The following PSMD1 variants were observed in gnomAD, a reference collection of about 807,000 sequenced individuals.
The protein encoded by PSMD1 is 26S proteasome non-ATPase regulatory subunit 1.
Under a neutral mutation model 119.0 loss-of-function variants are expected in PSMD1, and 18 were observed. The ratio of observed to expected loss-of-function variants is 0.15; its 90% CI spans 0.10 to 0.22. The LOEUF is 0.22. PSMD1 is among the 10% of genes least tolerant of loss of function. PSMD1 has a pLI of 1.00. For synonymous variants in PSMD1, 374 were observed against 396.6 expected, an observed-to-expected ratio of 0.94 and a Z score of 0.68; for missense variants, 702 against 1,158.5, an observed-to-expected ratio of 0.61 and a Z score of 5.72.
At chr2:231,137,029 A>G (rs1695985072) in intron 16 of PSMD1, among the ~76,000 whole-genome samples, 1 of 145,208 alleles carries the variant, frequency 6.9e-6, no homozygotes, top group Non-Finnish European at 1.5e-5. Context: ...ATATTTATGT[A>G]CCATATATAA....
Position 231,056,980 on chromosome 2 carries a change from CA to C in PSMD1, c.-45del, listed in dbSNP as rs1209037144. On this transcript the variant is annotated 5_prime_UTR_variant, in exon 1 of 25. Coordinates refer to ENST00000308696, the MANE Select transcript of PSMD1 (RefSeq NM_002807.4). ...CCCCTGAGCTGACAGATACACTGCG[CA>C]GCTGGAACGGCGAGCGAGCCGACGG... 1 of 1,540,158 alleles carries C rather than the reference CA, an allele frequency of 6.5e-7. No homozygotes were observed. Among genetic ancestry groups the C allele is most frequent in the Non-Finnish European group, 8.7e-7 (1 of 1,144,558 alleles).
At chr2:231,062,405 GA>G in intron 3 of PSMD1, 84 bp downstream of exon 3, 1 of 1,525,720 alleles carries the variant, frequency 6.6e-7, no homozygotes, top group South Asian at 1.2e-5. Flanking sequence ...GATTCATTTA[GA>G]AATTTGCTGT....
At chr2:231,167,634 T>A (rs764301367) in intron 23 of PSMD1, among the ~76,000 whole-genome samples, 2 of 152,248 alleles carry the variant, frequency 1.3e-5, no homozygotes, top group Non-Finnish European at 2.9e-5. Context: ...AGGAAATTCC[T>A]GTCCAGTTGT....
At chr2:231,087,059 C>T in intron 15 of PSMD1, 58 bp from the exon 16 acceptor site, 1 of 1,422,262 alleles carries the variant, frequency 7.0e-7, no homozygotes, top group Non-Finnish European at 9.9e-7. Flanking sequence ...CCTCTCATGT[C>T]AGTTTGGTCT....
At chr2:231,060,101 CT>C (rs1459239745) in intron 1 of PSMD1, among the ~76,000 whole-genome samples, 1 of 152,168 alleles carries the variant, frequency 6.6e-6, no homozygotes, top group Non-Finnish European at 1.5e-5. Context: ...GCATTCTGGC[CT>C]GTCATCTTAC....
intron 18 of PSMD1, among the ~76,000 whole-genome samples, chr2:231,151,338 T>C (rs1392335772): frequency 1.3e-5 from 2 of 152,122 alleles, no homozygotes; most frequent in Non-Finnish European, 2.9e-5. Flanking sequence ...ATAGAGGGAG[T>C]AGACCAGATG....
At chr2:231,081,656 C>T (rs145570361) in intron 12 of PSMD1, among the ~76,000 whole-genome samples, 1 of 152,304 alleles carries the variant, frequency 6.6e-6, no homozygotes, top group Non-Finnish European at 1.5e-5. Context: ...ACAGTCCCAC[C>T]AGGACTCTAA....
intron 4 of PSMD1, 165 bp downstream of exon 4, chr2:231,062,840 C>A: frequency 3.8e-6 from 2 of 528,330 alleles, no homozygotes; most frequent in Non-Finnish European, 6.1e-6. Context: ...TAGATCTGCC[C>A]TTCAACTGAG....
chr2:231,120,619 TGGTTGAATAAA>T (rs2125227748), intron 16 of PSMD1, among the ~76,000 whole-genome samples: 1 of 152,324 alleles, frequency 6.6e-6, no homozygotes, highest in East Asian at 1.9e-4. Flanking sequence ...TACAGATCAG[TGGTTGAATAAA>T]ATATCTCTCA....
At chr2:231,111,696 C>T (rs1166618173) in intron 16 of PSMD1, among the ~76,000 whole-genome samples, 3 of 152,128 alleles carry the variant, frequency 2.0e-5, no homozygotes, top group East Asian at 3.8e-4. Flanking sequence ...AGTGAAAGAG[C>T]GTTGATTTTG....
At chr2:231,123,844 A>G (rs1221420080) in intron 16 of PSMD1, 5 of 1,130,032 alleles carry the variant, frequency 4.4e-6, no homozygotes, top group African/African-American at 3.1e-5. Context: ...CTGTTTTTTT[A>G]AGGCATTGTA....
chr2:231,167,111 T>G (rs1696803639), intron 23 of PSMD1, among the ~76,000 whole-genome samples: 1 of 152,164 alleles, frequency 6.6e-6, no homozygotes, highest in Non-Finnish European at 1.5e-5. Context: ...TAAATGCTAA[T>G]CTGTAGCACT....
chr2:231,078,598 G>C (rs565624211), intron 9 of PSMD1, 61 bp from the exon 10 acceptor site: 2 of 1,236,506 alleles, frequency 1.6e-6, no homozygotes, highest in East Asian at 2.5e-5. Context: ...CTGTGTGTGT[G>C]AGGGTGTGCA....
At chr2:231,162,682 C>G (rs1469142677) in intron 20 of PSMD1, among the ~76,000 whole-genome samples, 2 of 151,970 alleles carry the variant, frequency 1.3e-5, no homozygotes, top group Non-Finnish European at 2.9e-5. Flanking sequence ...AAAATTCAGG[C>G]CGGGTGTGGT....
In PSMD1 at chr2:231,104,057, G is replaced by A. The variant is rs182144312; in HGVS notation, c.1883+16876G>A. ...CTTAGTATCTCTTGGGTTGTGTAAA[G>A]CATCCTACTCATGTTTGACTCTTAA... On this transcript the variant is annotated intron_variant, in intron 16 of 24. Transcript: ENST00000308696. 1.1e-4 allele frequency among the ~76,000 whole-genome samples: 17 copies of A among 151,852 alleles called. No homozygotes were observed. In the East Asian group the frequency reaches 3.3e-3, roughly 29 times the overall value.
rs1291686633 is a variant in PSMD1, at chr2:231,075,542, A to G, written c.913A>G (p.Ser305Gly). ...GATGGAAACAGAAGAAAAGACAAGC[A>G]GTGCATTTGTAGGAAAGACACCAGA... ...DSMETEEKTS[S>G]AFVGKTPEAS... The change falls in exon 8 of 25, where the codon AGT becomes GGT. Residue 305 changes from serine to glycine, a missense_variant. Physicochemically the swap from Ser to Gly is moderately conservative, Grantham distance 56 (BLOSUM62 0). Coordinates refer to ENST00000308696, the MANE Select transcript of PSMD1 (RefSeq NM_002807.4). The G allele has an allele frequency of 1.9e-6, 3 of 1,610,148 alleles. No individual in the cohort carries two copies. Among genetic ancestry groups the G allele is most frequent in the Non-Finnish European group, 8.5e-7 (1 of 1,178,768 alleles).
chr2:231,116,679 C>T (rs1056138884), intron 16 of PSMD1, among the ~76,000 whole-genome samples: 3 of 151,992 alleles, frequency 2.0e-5, no homozygotes, highest in Non-Finnish European at 2.9e-5. Context: ...CCCTATGAAG[C>T]CCTGTTAGCC....
chr2:231,079,637 T>C lies in PSMD1; in HGVS notation c.1239+23T>C, dbSNP rs749886704. ...AAGGTAATATATATTGGTCAGTGTATACAGGCATCAGAAAAGAAGTAATTT... is the reference window on the plus strand; with the variant it reads ...AAGGTAATATATATTGGTCAGTGTACACAGGCATCAGAAAAGAAGTAATTT... On this transcript the variant is annotated intron_variant, in intron 11 of 24. Coordinates refer to ENST00000308696, the MANE Select transcript of PSMD1 (RefSeq NM_002807.4). The C allele has an allele frequency of 4.8e-6, 7 of 1,458,432 alleles. No individual in the cohort carries two copies. The East Asian group carries it at 9.3e-5, about 19-fold the overall frequency. 90.3% of individuals were successfully genotyped at this position (1,458,432 alleles called of 1,614,324 possible).
At chr2:231,149,389 G>A (rs1044343576) in intron 18 of PSMD1, among the ~76,000 whole-genome samples, 3 of 151,978 alleles carry the variant, frequency 2.0e-5, no homozygotes, top group Admixed American at 6.6e-5. Flanking sequence ...CATTAAGATG[G>A]GCACAGTGGC....
Sources: gnomAD v4.1 joint callset for allele counts (sites outside exome capture counted in the v4.1 genomes callset) on GRCh38, gnomAD v4.1.1 for gene constraint, MANE v1.5 for transcripts, NCBI Gene and HGNC (gene_info 2026-07-23, HGNC 2026-07-21) for gene names.